The following TCAF1 variants were observed in gnomAD, a reference collection of about 807,000 sequenced individuals.
The protein encoded by TCAF1 is TRPM8 channel associated factor 1.
Under a neutral mutation model 27.3 loss-of-function variants are expected in TCAF1, and 4 were observed. The observed-to-expected ratio is 0.15, with a 90% CI of 0.07 to 0.34. The LOEUF is 0.34. Among genes scored for constraint, TCAF1 ranks in the 10% least tolerant of loss-of-function variants. TCAF1 has a pLI of 1.00. For missense variants in TCAF1, 257 were observed against 425.8 expected (o/e 0.60, Z 3.49); for synonymous variants, 105 against 167.1 (o/e 0.63, Z 2.87).
chr7:143,871,255 G>C (rs1201769463), intron 2 of TCAF1, among the ~76,000 whole-genome samples: 1 of 137,844 alleles, frequency 7.3e-6, no homozygotes, highest in Non-Finnish European at 1.6e-5. Flanking sequence ...ATCTTTTTAT[G>C]TCAGAAACTA....
At chr7:143,898,356 G>A (rs1813980214) in intron 1 of TCAF1, among the ~76,000 whole-genome samples, 1 of 151,984 alleles carries the variant, frequency 6.6e-6, no homozygotes, top group South Asian at 2.1e-4. Context: ...TCATAAGACA[G>A]AAAAAATAAA....
Position 143,851,640 on chromosome 7 carries a change from A to C in TCAF1, c.*2493T>G, listed in dbSNP as rs2116654044. Reference sequence around the variant, plus strand: ...CATCTTTAATAATTCCCCATTACAAAAGATAAGGATTTAACTTACACTATC... The same window carrying C: ...CATCTTTAATAATTCCCCATTACAACAGATAAGGATTTAACTTACACTATC... On this transcript the variant is annotated 3_prime_UTR_variant, in exon 9 of 9. Coordinates refer to ENST00000479870, the MANE Select transcript of TCAF1 (RefSeq NM_014719.3). The C allele has an allele frequency of 6.6e-6, 1 of 152,318 alleles. No homozygotes were observed. The highest frequency in any genetic ancestry group is 6.5e-5 in the Admixed American group (1 of 15,298). The allele number at this position is 152,318 out of a possible 1,614,324, so 9.4% of individuals were successfully genotyped here.
chr7:143,884,154 CAT>C (rs1259251800), intron 1 of TCAF1, among the ~76,000 whole-genome samples: 2 of 152,124 alleles, frequency 1.3e-5, no homozygotes, highest in Non-Finnish European at 2.9e-5. Flanking sequence ...ATGAGTGCCT[CAT>C]AAATAAATAT....
At chr7:143,892,212 T>A (rs1245423392) in intron 1 of TCAF1, among the ~76,000 whole-genome samples, 1 of 151,848 alleles carries the variant, frequency 6.6e-6, no homozygotes, top group Non-Finnish European at 1.5e-5. Context: ...ACTGTTTAAA[T>A]AAACAAAATG....
rs1812673468 is a variant in TCAF1, at chr7:143,875,985, T to C, written c.620+4A>G. The stretch of plus-strand genomic sequence containing the variant: ...CCAACTCCCCAGTGGGGTAACATAC[T>C]CACCTAACCAACACTGGGATCTTGG... On this transcript the variant is annotated splice_donor_region_variant and intron_variant, in intron 2 of 8. Transcript: ENST00000479870. 2 of 1,538,364 alleles carry C rather than the reference T, an allele frequency of 1.3e-6. No homozygotes were observed. The highest frequency in any genetic ancestry group is 2.6e-5 in the South Asian group (2 of 77,574).
chr7:143,883,693 C>T (rs1299854594), intron 1 of TCAF1, among the ~76,000 whole-genome samples: 4 of 151,882 alleles, frequency 2.6e-5, no homozygotes, highest in Admixed American at 1.3e-4. Flanking sequence ...TTTGTAGAGA[C>T]GGGATTTCAC....
At chr7:143,895,639 T>A (rs1320620240) in intron 1 of TCAF1, among the ~76,000 whole-genome samples, 1 of 150,376 alleles carries the variant, frequency 6.6e-6, no homozygotes, top group Non-Finnish European at 1.5e-5. Flanking sequence ...TAACTCAGGG[T>A]TTTTTTTTGT....
At chr7:143,883,036 C>A in intron 1 of TCAF1, 1 of 193,332 alleles carries the variant, frequency 5.2e-6, no homozygotes, top group Non-Finnish European at 9.5e-6. Context: ...CCTGGAGACC[C>A]CATCCTGGCA....
intron 1 of TCAF1, chr7:143,885,689 AT>A (rs1813367569): frequency 1.3e-5 from 5 of 376,252 alleles, no homozygotes; most frequent in Non-Finnish European, 1.8e-5. Context: ...CTCTATCTAT[AT>A]ATTTATATAT....
intron 2 of TCAF1, among the ~76,000 whole-genome samples, chr7:143,866,712 C>CCGTAAT (rs1211347850): frequency 6.6e-6 from 1 of 152,026 alleles, no homozygotes; most frequent in Non-Finnish European, 1.5e-5. Context: ...CGTAATGCAT[C>CCGTAAT]GTCTTCTACA....
At chr7:143,874,896 AAT>A (rs1360622393) in intron 2 of TCAF1, among the ~76,000 whole-genome samples, 1 of 152,258 alleles carries the variant, frequency 6.6e-6, no homozygotes, top group Non-Finnish European at 1.5e-5. Flanking sequence ...TGGGATATAT[AAT>A]ATGTTTAATA....
chr7:143,896,891 C>A (rs1241797895), intron 1 of TCAF1, among the ~76,000 whole-genome samples: 9 of 150,378 alleles, frequency 6.0e-5, no homozygotes, highest in Non-Finnish European at 1.0e-4. Context: ...GAAAATAAAT[C>A]ACAGAAAAAA....
intron 1 of TCAF1, among the ~76,000 whole-genome samples, chr7:143,900,001 G>C (rs1260524719): frequency 6.6e-6 from 1 of 152,224 alleles, no homozygotes; most frequent in Non-Finnish European, 1.5e-5. Flanking sequence ...CAAGCATGTA[G>C]AGCAACAAGA....
Position 143,851,718 on chromosome 7 carries a change from T to C in TCAF1, c.*2415A>G, listed in dbSNP as rs1358448643. On this transcript the variant is annotated 3_prime_UTR_variant, in exon 9 of 9. Transcript: ENST00000479870. ...AAATGTCTGATAGTTACATCACTTT[T>C]TAATACATCTATTGGTTTGATTTTA... 1.3e-5 allele frequency: 2 copies of C among 152,090 alleles called. No individual in the cohort carries two copies. Among genetic ancestry groups the C allele is most frequent in the Non-Finnish European group, 2.9e-5 (2 of 68,024 alleles). 9.4% of individuals were successfully genotyped at this position (152,090 alleles called of 1,614,324 possible). A position where few individuals can be genotyped will look rare whatever the true frequency, so the allele number is the denominator to read the frequency against.
chr7:143,901,796 C>A (rs560470410), intron 1 of TCAF1, among the ~76,000 whole-genome samples, 165 bp downstream of exon 1: 1 of 152,184 alleles, frequency 6.6e-6, no homozygotes, highest in South Asian at 2.1e-4. Flanking sequence ...AAATAGGCAC[C>A]GAGCTGCAGA....
At chr7:143,897,158 A>G (rs1398188020) in intron 1 of TCAF1, among the ~76,000 whole-genome samples, 5 of 128,194 alleles carry the variant, frequency 3.9e-5, no homozygotes, top group African/African-American at 1.4e-4. Flanking sequence ...ATATATATAT[A>G]TATATATATA....
intron 1 of TCAF1, among the ~76,000 whole-genome samples, chr7:143,889,967 C>CA (rs368096379): frequency 9.7e-4 from 148 of 152,106 alleles, no homozygotes; most frequent in African/African-American, 3.4e-3. Flanking sequence ...TTCCTAATCT[C>CA]AAAAAATCTG....
intron 1 of TCAF1, among the ~76,000 whole-genome samples, chr7:143,883,495 TTTTTC>T (rs1562967169): frequency 6.1e-5 from 7 of 114,226 alleles, no homozygotes; most frequent in African/African-American, 2.5e-4. Context: ...CTTTCTTTCC[TTTTTC>T]TTTTTTTTTT....
chr7:143,879,927 G>T (rs1197017557), intron 1 of TCAF1, among the ~76,000 whole-genome samples: 2 of 151,996 alleles, frequency 1.3e-5, no homozygotes, highest in Non-Finnish European at 2.9e-5. Context: ...GCAGAACAGG[G>T]ACCTCACATA....
Sources: gnomAD v4.1 joint callset for allele counts (sites outside exome capture counted in the v4.1 genomes callset) on GRCh38, gnomAD v4.1.1 for gene constraint, MANE v1.5 for transcripts, NCBI Gene and HGNC (gene_info 2026-07-23, HGNC 2026-07-21) for gene names.